ZNF90: variants seen among roughly 807,000 people sequenced by gnomAD.
The protein encoded by ZNF90 is zinc finger protein 90.
In ZNF90, 11 loss-of-function variants were observed where a neutral mutation model predicts 12.0. That is an observed-to-expected ratio of 0.92 (90% CI 0.58 to 1.52). ZNF90 has a LOEUF of 1.52. Among genes scored for constraint, ZNF90 ranks in the 40% most tolerant of loss-of-function variants. ZNF90 has a pLI of 0.00. For synonymous variants in ZNF90, 232 were observed against 240.1 expected (o/e 0.97, Z 0.31); for missense variants, 765 against 711.5 (o/e 1.08, Z -0.86).
intron 1 of ZNF90, among the ~76,000 whole-genome samples, chr19:20,088,996 A>G (rs1050434495): frequency 6.6e-6 from 1 of 152,186 alleles, no homozygotes; most frequent in African/African-American, 2.4e-5. Flanking sequence ...TGCCTGTCCA[A>G]TTAGCAGGTA....
At chr19:20,089,464 TG>T (rs1464759332) in intron 1 of ZNF90, among the ~76,000 whole-genome samples, 2 of 152,044 alleles carry the variant, frequency 1.3e-5, no homozygotes, top group Non-Finnish European at 2.9e-5. Context: ...CAGTGATGTG[TG>T]TAGTTGGGCT....
chr19:20,078,033 C>G lies in ZNF90; in HGVS notation c.-100C>G. 1.3e-6 allele frequency: 2 copies of G among 1,504,802 alleles called. No individual in the cohort carries two copies. Among genetic ancestry groups the G allele is most frequent in the Middle Eastern group, 1.7e-4 (1 of 5,872 alleles). 93.2% of individuals were successfully genotyped at this position (1,504,802 alleles called of 1,614,324 possible). On this transcript the variant is annotated 5_prime_UTR_variant, in exon 1 of 4. It adds an upstream start codon to the 5' untranslated region. Transcript: ENST00000418063. The stretch of plus-strand genomic sequence containing the variant: ...TCTTGCTGCAGCTGGTGCTCCAAAT[C>G]TGGTCTTAGCTGCTTCGTGTCTTCT...
Position 20,120,586 on chromosome 19 carries a change from A to G in ZNF90, c.*1226A>G, listed in dbSNP as rs1555706448. On this transcript the variant is annotated 3_prime_UTR_variant, in exon 4 of 4. Transcript: ENST00000418063. ...TACTAAAATATATGTTTGCAGAAAC[A>G]GTAAATATAAAAAATATTTAATTCA... 6.6e-6 allele frequency among the ~76,000 whole-genome samples: 1 copy of G among 152,238 alleles called. No homozygotes were observed. Among genetic ancestry groups the G allele is most frequent in the Non-Finnish European group, 1.5e-5 (1 of 68,042 alleles).
chr19:20,078,162 G>T, intron 1 of ZNF90, 27 bp downstream of exon 1: 1 of 1,614,134 alleles, frequency 6.2e-7, no homozygotes, highest in Non-Finnish European at 8.5e-7. Context: ...AGCATTCCGA[G>T]AGAGGGGAGG....
intron 1 of ZNF90, among the ~76,000 whole-genome samples, chr19:20,085,969 G>C (rs2088856122): frequency 1.3e-5 from 2 of 152,086 alleles, no homozygotes; most frequent in Non-Finnish European, 2.9e-5. Context: ...TTAGCACAAA[G>C]AGAATTAAAT....
intron 3 of ZNF90, among the ~76,000 whole-genome samples, chr19:20,108,873 T>A (rs955147782): frequency 1.3e-5 from 2 of 151,734 alleles, no homozygotes; most frequent in Non-Finnish European, 2.9e-5. Flanking sequence ...ACTACAGGCG[T>A]GCCACCACAA....
At chr19:20,097,397 ATT>A (rs1333004181) in intron 1 of ZNF90, among the ~76,000 whole-genome samples, 6 of 152,160 alleles carry the variant, frequency 3.9e-5, no homozygotes, top group Non-Finnish European at 7.3e-5. Flanking sequence ...GTCTCAGCCT[ATT>A]TATTAATCTA....
chr19:20,109,965 C>T (rs1436212970), intron 3 of ZNF90, among the ~76,000 whole-genome samples: 1 of 152,192 alleles, frequency 6.6e-6, no homozygotes, highest in Admixed American at 6.6e-5. Context: ...CTCTCTCCAG[C>T]CCTTGACAGA....
At chr19:20,100,642 G>C (rs1264864807) in intron 1 of ZNF90, among the ~76,000 whole-genome samples, 1 of 152,132 alleles carries the variant, frequency 6.6e-6, no homozygotes, top group Non-Finnish European at 1.5e-5. Context: ...GTTAAGAGCA[G>C]TCATTGGCCA....
chr19:20,118,276 C>G lies in ZNF90; in HGVS notation c.722C>G (p.Ser241Cys). ...CEDCGKELKY[S>C]STLTAHKRIH... ...GATTGTGGCAAAGAATTAAAGTATT[C>G]CTCTACCCTTACTGCACATAAGAGA... is the stretch of plus-strand genomic sequence containing the variant. The change falls in exon 4 of 4, where the codon TCC becomes TGC. Residue 241 changes from serine to cysteine, a missense_variant. By Grantham distance (112) the Ser-to-Cys change is moderately radical (BLOSUM62 -1). Transcript: ENST00000418063. The G allele has an allele frequency of 1.3e-6, 2 of 1,556,638 alleles. No individual in the cohort carries two copies. Among genetic ancestry groups the G allele is most frequent in the Non-Finnish European group, 1.7e-6 (2 of 1,150,080 alleles).
intron 1 of ZNF90, chr19:20,080,388 C>T: frequency 2.4e-6 from 1 of 419,200 alleles, no homozygotes; most frequent in South Asian, 2.1e-5. Context: ...TTTCTTCTTA[C>T]CTCCCCACAA....
At chr19:20,106,973 C>CTACA (rs1555704551) in intron 3 of ZNF90, 1 of 454,532 alleles carries the variant, frequency 2.2e-6, no homozygotes, top group Non-Finnish European at 4.4e-6. Flanking sequence ...GGACTTTGCT[C>CTACA]TGTAGGGCAG....
At chr19:20,096,119 G>T (rs2088943216) in intron 1 of ZNF90, among the ~76,000 whole-genome samples, 1 of 152,208 alleles carries the variant, frequency 6.6e-6, no homozygotes, top group South Asian at 2.1e-4. Context: ...GTGGCGCCAA[G>T]ATTGGAAGGA....
chr19:20,119,950 A>G lies in ZNF90; in HGVS notation c.*590A>G, dbSNP rs1555706397. 1.3e-5 allele frequency among the ~76,000 whole-genome samples: 2 copies of G among 152,208 alleles called. No individual in the cohort carries two copies. Among genetic ancestry groups the G allele is most frequent in the African/African-American group, 2.4e-5 (1 of 41,462 alleles). ...TGAAGAGGAACTTTACAAACTTGAA[A>G]GATGTGACAGTGCTTTTACCACCAC... On this transcript the variant is annotated 3_prime_UTR_variant, in exon 4 of 4. Coordinates refer to ENST00000418063, the MANE Select transcript of ZNF90 (RefSeq NM_007138.2).
At chr19:20,113,422 A>C (rs2089107767) in intron 3 of ZNF90, among the ~76,000 whole-genome samples, 1 of 151,924 alleles carries the variant, frequency 6.6e-6, no homozygotes, top group South Asian at 2.1e-4. Flanking sequence ...TGAACTCCTG[A>C]CCTCAGGTGA....
At chr19:20,112,032 TA>T (rs2089093862) in intron 3 of ZNF90, among the ~76,000 whole-genome samples, 1 of 152,002 alleles carries the variant, frequency 6.6e-6, no homozygotes, top group South Asian at 2.1e-4. Context: ...CTAATTTTTG[TA>T]TTTTTAGTAG....
At chr19:20,093,823 C>G (rs563564443) in intron 1 of ZNF90, among the ~76,000 whole-genome samples, 17 of 152,220 alleles carry the variant, frequency 1.1e-4, no homozygotes, top group African/African-American at 3.9e-4. Flanking sequence ...TGAGAGTTAC[C>G]CAAAGCTCGG....
At chr19:20,097,180 G>A (rs1369128120) in intron 1 of ZNF90, among the ~76,000 whole-genome samples, 3 of 152,088 alleles carry the variant, frequency 2.0e-5, no homozygotes, top group African/African-American at 7.2e-5. Context: ...TTTTCTTTCT[G>A]TACTATTATT....
At chr19:20,085,326 C>G (rs1441541812) in intron 1 of ZNF90, among the ~76,000 whole-genome samples, 1 of 142,894 alleles carries the variant, frequency 7.0e-6, no homozygotes, top group East Asian at 2.2e-4. Flanking sequence ...GTGGCCCGAT[C>G]TCGGCTCACT....
Sources: allele counts gnomAD v4.1 joint callset (sites outside exome capture counted in the v4.1 genomes callset), GRCh38; gene constraint gnomAD v4.1.1; transcripts MANE v1.5; gene names NCBI Gene and HGNC (gene_info 2026-07-23, HGNC 2026-07-21).